SNAP91: variants seen among roughly 807,000 people sequenced by gnomAD.
SNAP91 encodes the protein synaptosome associated protein 91.
A neutral mutation model predicts 100.3 loss-of-function variants in SNAP91; 27 were observed. The observed-to-expected ratio is 0.27, with a 90% CI of 0.20 to 0.37. The LOEUF is 0.37. Among genes scored for constraint, SNAP91 ranks in the 10% least tolerant of loss-of-function variants. The pLI is 1.00. For missense variants in SNAP91, 986 were observed against 1,123.7 expected, an observed-to-expected ratio of 0.88 and a Z score of 1.75; for synonymous variants, 404 against 398.6, an observed-to-expected ratio of 1.01 and a Z score of -0.16.
chr6:83,623,733 G>A (rs2096823300), intron 8 of SNAP91, among the ~76,000 whole-genome samples: 3 of 151,936 alleles, frequency 2.0e-5, no homozygotes, highest in South Asian at 2.1e-4. Flanking sequence ...AACTCATTCA[G>A]GGTATAATTT....
chr6:83,646,819 G>T (rs2097937571), intron 7 of SNAP91, among the ~76,000 whole-genome samples: 1 of 152,124 alleles, frequency 6.6e-6, no homozygotes. Flanking sequence ...TCTTATCCAT[G>T]AACATGGAAC....
intron 28 of SNAP91, among the ~76,000 whole-genome samples, chr6:83,558,648 A>C (rs1782485829): frequency 6.6e-6 from 1 of 152,258 alleles, no homozygotes; most frequent in South Asian, 2.1e-4. Flanking sequence ...TATACTCAGA[A>C]AGTTCACAGC....
rs192895779 is a variant in SNAP91 at position 83,608,961 on chromosome 6, T to A, written c.913-1153A>T. ...TGATCAATGGAAGAGAAAGGACTAGTTAAAGCTAATTGTATGTCATCCATT... is the reference window on the plus strand; with the variant it reads ...TGATCAATGGAAGAGAAAGGACTAGATAAAGCTAATTGTATGTCATCCATT... On this transcript the variant is annotated intron_variant, in intron 12 of 29. Coordinates refer to ENST00000369694, the MANE Select transcript of SNAP91 (RefSeq NM_001242792.2). Among the ~76,000 whole-genome samples, 297 of 152,314 alleles carry A rather than the reference T, an allele frequency of 1.9e-3. 8 individuals carry two copies. The highest frequency in any genetic ancestry group is 3.1e-4 in the Non-Finnish European group (21 of 68,026).
chr6:83,667,353 T>C (rs940459883), intron 2 of SNAP91, among the ~76,000 whole-genome samples: 2 of 152,040 alleles, frequency 1.3e-5, no homozygotes, highest in African/African-American at 4.8e-5. Context: ...TGAGTATCTT[T>C]ATGAGGCCAG....
intron 6 of SNAP91, among the ~76,000 whole-genome samples, chr6:83,658,740 C>G (rs73751571): frequency 0.017 from 2,526 of 152,320 alleles, 73 homozygotes; most frequent in African/African-American, 0.055. Context: ...TAGGAAGTCA[C>G]TATCCTGCTC....
intron 2 of SNAP91, among the ~76,000 whole-genome samples, chr6:83,693,444 A>G (rs375712711): frequency 2.9e-4 from 44 of 152,298 alleles, no homozygotes; most frequent in African/African-American, 1.0e-3. Flanking sequence ...ACATCAAACA[A>G]TTGAATAAAA....
In SNAP91 at chr6:83,593,590, G is replaced by GGAGCAGGA; in HGVS notation, c.1583_1584insTCCTGCTC (p.Val529ProfsTer36). 6.4e-7 allele frequency: 1 copy of GGAGCAGGA among 1,572,338 alleles called. No individual in the cohort carries two copies. The highest frequency in any genetic ancestry group is 1.2e-5 in the South Asian group (1 of 86,616). On this transcript the variant is annotated frameshift_variant, in exon 18 of 30. Transcript: ENST00000369694. LOFTEE classifies it high-confidence loss of function. ...TAGTGGCAGCAGCAGCAGCTGCAAC[G>GGAGCAGGA]GCAGGAGCAGGAGAAGGAGCAGTTG... is the stretch of plus-strand genomic sequence containing the variant.
chr6:83,622,689 G>A (rs990277621), intron 9 of SNAP91, among the ~76,000 whole-genome samples: 1 of 151,938 alleles, frequency 6.6e-6, no homozygotes, highest in African/African-American at 2.4e-5. Flanking sequence ...TATATATTAG[G>A]ATCCATACAC....
intron 22 of SNAP91, among the ~76,000 whole-genome samples, chr6:83,587,818 A>C (rs2093003437): frequency 6.6e-6 from 1 of 152,148 alleles, no homozygotes; most frequent in Non-Finnish European, 1.5e-5. Flanking sequence ...ACAGGATAGA[A>C]TTATATTAAT....
intron 8 of SNAP91, among the ~76,000 whole-genome samples, chr6:83,638,033 T>C (rs1255824951): frequency 1.3e-5 from 2 of 152,032 alleles, no homozygotes; most frequent in African/African-American, 4.8e-5. Flanking sequence ...GCAGGAAATC[T>C]TGGGAGGGGC....
chr6:83,665,679 C>T (rs921295853), intron 2 of SNAP91, 98 bp from the exon 3 acceptor site: 6 of 1,015,730 alleles, frequency 5.9e-6, no homozygotes, highest in Non-Finnish European at 8.4e-6. Flanking sequence ...AATATATGAC[C>T]TTAAAAGTAC....
chr6:83,664,975 T>C (rs1201158730), intron 3 of SNAP91, among the ~76,000 whole-genome samples: 1 of 152,104 alleles, frequency 6.6e-6, no homozygotes, highest in Non-Finnish European at 1.5e-5. Context: ...CCAGCAAAGA[T>C]TACAACTCAC....
chr6:83,616,616 T>C (rs2096496805), intron 10 of SNAP91, among the ~76,000 whole-genome samples: 1 of 152,196 alleles, frequency 6.6e-6, no homozygotes, highest in Non-Finnish European at 1.5e-5. Flanking sequence ...CAAGGCTGCT[T>C]GTGAAATTGT....
At chr6:83,684,252 C>T (rs539412724) in intron 2 of SNAP91, among the ~76,000 whole-genome samples, 1 of 152,252 alleles carries the variant, frequency 6.6e-6, no homozygotes, top group Non-Finnish European at 1.5e-5. Context: ...AATATTCACT[C>T]AAATCATGCT....
At chr6:83,570,210 C>T (rs1318724843) in intron 26 of SNAP91, among the ~76,000 whole-genome samples, 2 of 152,034 alleles carry the variant, frequency 1.3e-5, no homozygotes, top group African/African-American at 4.8e-5. Context: ...TTTGCCCCTG[C>T]CCCAGAGATT....
At chr6:83,559,633 T>C (rs890787878) in intron 28 of SNAP91, among the ~76,000 whole-genome samples, 1 of 152,172 alleles carries the variant, frequency 6.6e-6, no homozygotes, top group Admixed American at 6.5e-5. Context: ...CACAAATATG[T>C]GTCTTGCGTC....
rs140905652 is a variant in SNAP91, at chr6:83,608,635, C to T, written c.913-827G>A. 7.9e-3 allele frequency among the ~76,000 whole-genome samples: 1,208 copies of T among 152,004 alleles called. 14 individuals are homozygous for T. The highest frequency in any genetic ancestry group is 0.027 in the African/African-American group (1,125 of 41,460). On this transcript the variant is annotated intron_variant, in intron 12 of 29. Coordinates refer to ENST00000369694, the MANE Select transcript of SNAP91 (RefSeq NM_001242792.2). ...ACCAAGCCAGGGCTATCAGATACTC[C>T]CCTAACTGGGCATCTGACTTCAAAG...
At chr6:83,578,773 A>G in intron 24 of SNAP91, among the ~76,000 whole-genome samples, 1 of 151,992 alleles carries the variant, frequency 6.6e-6, no homozygotes, top group East Asian at 1.9e-4. Flanking sequence ...TGTTTCTTGT[A>G]CTTCTGGTGT....
intron 9 of SNAP91, among the ~76,000 whole-genome samples, chr6:83,619,609 C>T (rs1473346669): frequency 6.6e-6 from 1 of 152,174 alleles, no homozygotes; most frequent in Non-Finnish European, 1.5e-5. Flanking sequence ...ATAACAGCAA[C>T]ATATGGTTAC....
Sources: allele counts gnomAD v4.1 joint callset (sites outside exome capture counted in the v4.1 genomes callset), GRCh38; gene constraint gnomAD v4.1.1; transcripts MANE v1.5; gene names NCBI Gene and HGNC (gene_info 2026-07-23, HGNC 2026-07-21).